The following TENT4B variants were observed in gnomAD, a reference collection of about 807,000 sequenced individuals.
TENT4B encodes PAP associated domain containing 5.
A neutral mutation model predicts 75.0 loss-of-function variants in TENT4B; 10 were observed. That is an observed-to-expected ratio of 0.13 (90% CI 0.08 to 0.23). TENT4B has a LOEUF of 0.23. Ranked by LOEUF, TENT4B falls within the 10% of genes least tolerant of loss-of-function variation. The probability of loss-of-function intolerance (pLI) is 1.00; values close to 1 mark genes in which losing one functional copy is unlikely to be tolerated. For synonymous variants in TENT4B, 350 were observed against 357.7 expected (o/e 0.98, Z 0.24); for missense variants, 579 against 893.8 (o/e 0.65, Z 4.49).
intron 1 of TENT4B, among the ~76,000 whole-genome samples, chr16:50,160,895 CTG>C (rs1432135915): frequency 6.6e-6 from 1 of 152,216 alleles, no homozygotes; most frequent in Non-Finnish European, 1.5e-5. Context: ...ACACTAGAGA[CTG>C]TATTAATCAC....
intron 1 of TENT4B, among the ~76,000 whole-genome samples, chr16:50,206,576 A>G (rs1045973408): frequency 1.3e-5 from 2 of 152,046 alleles, no homozygotes; most frequent in African/African-American, 4.8e-5. Flanking sequence ...CTGGGCAGGT[A>G]TCTCTTGGGA....
intron 1 of TENT4B, among the ~76,000 whole-genome samples, chr16:50,160,026 A>C (rs1489750939): frequency 6.6e-6 from 1 of 152,058 alleles, no homozygotes; most frequent in Non-Finnish European, 1.5e-5. Flanking sequence ...CAGCCTCCTG[A>C]GTAGCTGGGA....
rs75738579 is a variant in TENT4B, at chr16:50,211,158, G to T, written c.639-165G>T. Reference sequence around the variant, plus strand: ...ATTATTTAATTATTTTGGGTTTTTTGATTAAATTCTGTACATTCCCATTTT... The same window carrying T: ...ATTATTTAATTATTTTGGGTTTTTTTATTAAATTCTGTACATTCCCATTTT... On this transcript the variant is annotated intron_variant, in intron 1 of 11. Coordinates refer to ENST00000561678, the MANE Select transcript of TENT4B (RefSeq NM_001365324.3). Among the ~76,000 whole-genome samples the T allele has an allele frequency of 6.5e-3, 982 of 152,188 alleles. 9 individuals carry two copies. Among genetic ancestry groups the T allele is most frequent in the African/African-American group, 0.023 (942 of 41,512 alleles).
At chr16:50,155,096 A>C (rs1455443023) in intron 1 of TENT4B, among the ~76,000 whole-genome samples, 1 of 152,188 alleles carries the variant, frequency 6.6e-6, no homozygotes, top group African/African-American at 2.4e-5. Context: ...TTGCACCACT[A>C]GTGACTTTCT....
chr16:50,214,290 C>CA (rs1160013742), intron 3 of TENT4B, 23 bp downstream of exon 3: 1 of 1,547,014 alleles, frequency 6.5e-7, no homozygotes, highest in Non-Finnish European at 8.9e-7. Context: ...ATGAATCTTT[C>CA]AAAGGACTTT....
intron 1 of TENT4B, among the ~76,000 whole-genome samples, chr16:50,159,904 GT>G (rs1448145553): frequency 1.3e-5 from 2 of 151,600 alleles, no homozygotes; most frequent in Admixed American, 1.3e-4. Context: ...GTTTTGTTTT[GT>G]TTTTGTTTTT....
Position 50,235,122 on chromosome 16 carries a change from CTA to C in TENT4B, c.*5796_*5797del, listed in dbSNP as rs2032408493. ...ATCACTGGGCAACCAGTGATGAAAA[CTA>C]TGAATGAATTGCACACCTGGAAGAT... On this transcript the variant is annotated 3_prime_UTR_variant, in exon 12 of 12. Transcript: ENST00000561678. 1.3e-6 allele frequency: 1 copy of C among 794,288 alleles called. No homozygotes were observed. Among genetic ancestry groups the C allele is most frequent in the African/African-American group, 1.9e-5 (1 of 53,334 alleles). 49.2% of individuals were successfully genotyped at this position (794,288 alleles called of 1,614,324 possible).
chr16:50,171,235 T>C (rs2038200124), intron 1 of TENT4B, among the ~76,000 whole-genome samples: 1 of 152,026 alleles, frequency 6.6e-6, no homozygotes, highest in African/African-American at 2.4e-5. Context: ...ATCCTAACTC[T>C]ACAAAAAATA....
rs993377654 is a variant in TENT4B at position 50,166,259 on chromosome 16, A to G, written c.638+12000A>G. ...GTCACCATGCCTGGCTAATTTTTGT[A>G]TTTTTTATAGAGACAGGGTTTTGCC... On this transcript the variant is annotated intron_variant, in intron 1 of 11. Transcript: ENST00000561678. Among the ~76,000 whole-genome samples the G allele has an allele frequency of 2.0e-5, 3 of 148,532 alleles. No homozygotes were observed. The South Asian group carries it at 6.4e-4, about 32-fold the overall frequency.
intron 1 of TENT4B, among the ~76,000 whole-genome samples, chr16:50,191,206 T>C (rs994099631): frequency 6.6e-6 from 1 of 152,174 alleles, no homozygotes; most frequent in Non-Finnish European, 1.5e-5. Context: ...TGCTATCAAT[T>C]CTTTAAGTAT....
At chr16:50,206,213 A>G (rs2030955182) in intron 1 of TENT4B, among the ~76,000 whole-genome samples, 1 of 152,188 alleles carries the variant, frequency 6.6e-6, no homozygotes, top group Non-Finnish European at 1.5e-5. Context: ...TTATTTGTGT[A>G]AACATTATCG....
At chr16:50,179,223 G>A (rs1016720787) in intron 1 of TENT4B, among the ~76,000 whole-genome samples, 2 of 152,128 alleles carry the variant, frequency 1.3e-5, no homozygotes, top group Non-Finnish European at 2.9e-5. Flanking sequence ...TTAGCCAGGT[G>A]TGGTGGCGCA....
intron 1 of TENT4B, among the ~76,000 whole-genome samples, chr16:50,194,926 T>C (rs1336782489): frequency 6.6e-6 from 1 of 151,684 alleles, no homozygotes; most frequent in Non-Finnish European, 1.5e-5. Context: ...TTTTTTGTAT[T>C]TTTTAGTAGA....
chr16:50,180,436 G>A lies in TENT4B; in HGVS notation c.638+26177G>A, dbSNP rs568488210. 1.6e-4 allele frequency among the ~76,000 whole-genome samples: 25 copies of A among 152,240 alleles called. No homozygotes were observed. In the South Asian group the frequency reaches 3.7e-3, roughly 23 times the overall value. ...TTTTTTGAAATAATAGGCCAGTTGC[G>A]GTGGTTCATGCCTGTAATCTCACAC... On this transcript the variant is annotated intron_variant, in intron 1 of 11. Coordinates refer to ENST00000561678, the MANE Select transcript of TENT4B (RefSeq NM_001365324.3).
At chr16:50,214,878 TG>T (rs1455712352) in intron 3 of TENT4B, among the ~76,000 whole-genome samples, 8 of 152,212 alleles carry the variant, frequency 5.3e-5, no homozygotes, top group African/African-American at 1.9e-4. Context: ...CAGATGTTAA[TG>T]TAGTATCATG....
chr16:50,217,075 AC>A (rs1458941108), intron 4 of TENT4B, among the ~76,000 whole-genome samples: 1 of 152,170 alleles, frequency 6.6e-6, no homozygotes, highest in East Asian at 1.9e-4. Flanking sequence ...AACATTTAAT[AC>A]CTGGCATTCC....
intron 6 of TENT4B, 123 bp downstream of exon 6, chr16:50,222,557 C>T (rs558874611): frequency 3.2e-4 from 316 of 973,890 alleles, no homozygotes; most frequent in Non-Finnish European, 4.3e-4. Context: ...GATTACTTAA[C>T]GGCTTTTCCC....
At chr16:50,228,840 G>A (rs1193611901) in intron 11 of TENT4B, among the ~76,000 whole-genome samples, 1 of 152,142 alleles carries the variant, frequency 6.6e-6, no homozygotes, top group Non-Finnish European at 1.5e-5. Flanking sequence ...GCCTCTTCCC[G>A]CTCTGTCACT....
intron 1 of TENT4B, among the ~76,000 whole-genome samples, chr16:50,162,092 CCTTT>C (rs1178499894): frequency 6.6e-6 from 1 of 152,100 alleles, no homozygotes; most frequent in Admixed American, 6.6e-5. Flanking sequence ...TACCATACTT[CCTTT>C]GAGAGCCATC....
Sources: allele counts gnomAD v4.1 joint callset (sites outside exome capture counted in the v4.1 genomes callset), GRCh38; gene constraint gnomAD v4.1.1; transcripts MANE v1.5; gene names NCBI Gene and HGNC (gene_info 2026-07-23, HGNC 2026-07-21).